ADGRL3: variants seen among roughly 807,000 people sequenced by gnomAD.
The protein encoded by ADGRL3 is adhesion G protein-coupled receptor L3, also known as calcium-independent alpha-latrotoxin receptor 3.
Under a neutral mutation model 153.5 loss-of-function variants are expected in ADGRL3, and 62 were observed. The observed-to-expected ratio is 0.40, with a 90% CI of 0.33 to 0.50. The LOEUF is 0.50. ADGRL3 is among the 20% of genes least tolerant of loss of function. The pLI is 0.47. For missense variants in ADGRL3, 1,641 were observed against 1,859.4 expected, an observed-to-expected ratio of 0.88 and a Z score of 2.16; for synonymous variants, 710 against 672.5, an observed-to-expected ratio of 1.06 and a Z score of -0.86.
At chr4:61,626,424 A>ATT (rs34404633) in intron 5 of ADGRL3, among the ~76,000 whole-genome samples, 10 of 151,708 alleles carry the variant, frequency 6.6e-5, no homozygotes, top group South Asian at 4.1e-4. Flanking sequence ...CTTTAAAGGT[A>ATT]TTTTTTTCTC....
chr4:61,699,312 A>G (rs1170474090), intron 6 of ADGRL3, among the ~76,000 whole-genome samples: 1 of 152,150 alleles, frequency 6.6e-6, no homozygotes, highest in East Asian at 1.9e-4. Flanking sequence ...AAAAGGATGT[A>G]AATTTTTTTA....
chr4:62,046,678 A>G (rs1025015108), intron 25 of ADGRL3, among the ~76,000 whole-genome samples: 1 of 151,964 alleles, frequency 6.6e-6, no homozygotes, highest in Non-Finnish European at 1.5e-5. Flanking sequence ...TATAATTTAA[A>G]GGGTGCCCAG....
intron 6 of ADGRL3, among the ~76,000 whole-genome samples, chr4:61,696,941 T>G (rs2095654418): frequency 6.6e-6 from 1 of 152,088 alleles, no homozygotes; most frequent in Non-Finnish European, 1.5e-5. Context: ...CCTCCTAAAG[T>G]GCTAAGATTA....
At chr4:61,961,396 T>C (rs2098987244) in intron 17 of ADGRL3, among the ~76,000 whole-genome samples, 1 of 152,160 alleles carries the variant, frequency 6.6e-6, no homozygotes, top group Non-Finnish European at 1.5e-5. Context: ...ATGAGTATAA[T>C]GGGAGAATTG....
intron 2 of ADGRL3, among the ~76,000 whole-genome samples, chr4:61,476,070 A>C (rs1009789916): frequency 2.0e-5 from 3 of 152,130 alleles, no homozygotes; most frequent in Admixed American, 6.6e-5. Context: ...CATTGTATTT[A>C]GGAGTCAGAT....
chr4:61,742,302 G>A (rs886133041), intron 8 of ADGRL3, among the ~76,000 whole-genome samples: 38 of 151,908 alleles, frequency 2.5e-4, no homozygotes, highest in African/African-American at 9.2e-4. Context: ...TTTTTGAGAT[G>A]GAGTCTCACT....
At chr4:61,590,979 T>C (rs951442241) in intron 5 of ADGRL3, among the ~76,000 whole-genome samples, 3 of 152,154 alleles carry the variant, frequency 2.0e-5, no homozygotes, top group Non-Finnish European at 2.9e-5. Flanking sequence ...ATTCCGTATA[T>C]CATACGTGTA....
chr4:61,694,481 A>C (rs2095605333), intron 6 of ADGRL3, among the ~76,000 whole-genome samples: 1 of 152,164 alleles, frequency 6.6e-6, no homozygotes, highest in African/African-American at 2.4e-5. Context: ...TTAAGTGTGC[A>C]GTATGTCTAT....
chr4:61,446,227 G>C (rs964264718), intron 2 of ADGRL3, among the ~76,000 whole-genome samples: 1 of 152,122 alleles, frequency 6.6e-6, no homozygotes, highest in Non-Finnish European at 1.5e-5. Flanking sequence ...AAGTGGAAAA[G>C]CAACTAAATG....
chr4:61,787,646 A>G (rs1165727399), intron 8 of ADGRL3, among the ~76,000 whole-genome samples: 2 of 152,132 alleles, frequency 1.3e-5, no homozygotes, highest in Non-Finnish European at 2.9e-5. Flanking sequence ...AGAACTATTT[A>G]TAAAATATAT....
At chr4:61,617,017 A>C (rs559705701) in intron 5 of ADGRL3, among the ~76,000 whole-genome samples, 1 of 152,258 alleles carries the variant, frequency 6.6e-6, no homozygotes, top group African/African-American at 2.4e-5. Context: ...TTTCTGATTT[A>C]TCCTTAAAAT....
chr4:62,033,112 C>T (rs1001623888), intron 23 of ADGRL3, among the ~76,000 whole-genome samples: 2 of 151,718 alleles, frequency 1.3e-5, no homozygotes, highest in Non-Finnish European at 3.0e-5. Context: ...GGGGTTGCCC[C>T]ATGAAGGGAC....
chr4:61,528,511 A>G (rs913096369), intron 4 of ADGRL3, among the ~76,000 whole-genome samples: 2 of 152,080 alleles, frequency 1.3e-5, no homozygotes, highest in Non-Finnish European at 2.9e-5. Context: ...TAAATAAATT[A>G]ATAGGATTTT....
rs113704738 is a variant in ADGRL3 at position 61,519,978 on chromosome 4, C to T, written c.259+2460C>T. 7.2e-4 allele frequency among the ~76,000 whole-genome samples: 110 copies of T among 152,252 alleles called. 1 individual carries two copies. Among genetic ancestry groups the T allele is most frequent in the African/African-American group, 2.5e-3 (105 of 41,546 alleles). On this transcript the variant is annotated intron_variant, in intron 4 of 26. Coordinates refer to ENST00000683033, the MANE Select transcript of ADGRL3 (RefSeq NM_001387552.1). ...GATAGCCAAACAGGCAAGTAGGAAT[C>T]CAATGAAAGCAGCCATAACAACATA... is the stretch of plus-strand genomic sequence containing the variant.
intron 8 of ADGRL3, among the ~76,000 whole-genome samples, chr4:61,800,389 T>C (rs772242726): frequency 6.6e-6 from 1 of 152,144 alleles, no homozygotes; most frequent in Non-Finnish European, 1.5e-5. Context: ...AAGCATTGAG[T>C]GCACTTTGAA....
chr4:61,469,131 C>T (rs1053306787), intron 2 of ADGRL3, among the ~76,000 whole-genome samples: 1 of 151,992 alleles, frequency 6.6e-6, no homozygotes, highest in Non-Finnish European at 1.5e-5. Context: ...CTACTCAGTC[C>T]TCAGATCTTA....
chr4:61,433,373 A>T (rs1227422547), intron 2 of ADGRL3, among the ~76,000 whole-genome samples: 1 of 150,022 alleles, frequency 6.7e-6, no homozygotes, highest in East Asian at 1.9e-4. Flanking sequence ...TTTAAAAAAA[A>T]ATCAGGCCAC....
chr4:61,270,833 G>T (rs2149780085), intron 1 of ADGRL3, among the ~76,000 whole-genome samples: 1 of 151,668 alleles, frequency 6.6e-6, no homozygotes, highest in South Asian at 2.1e-4. Flanking sequence ...ATCATGTTGA[G>T]ACTTCATTTT....
chr4:61,431,413 A>C (rs1032535669), intron 2 of ADGRL3, among the ~76,000 whole-genome samples: 1 of 152,182 alleles, frequency 6.6e-6, no homozygotes, highest in African/African-American at 2.4e-5. Flanking sequence ...TGAACGCTCA[A>C]TAGTCGATGA....
Sources: gnomAD v4.1 joint callset for allele counts (sites outside exome capture counted in the v4.1 genomes callset) on GRCh38, gnomAD v4.1.1 for gene constraint, MANE v1.5 for transcripts, NCBI Gene and HGNC (gene_info 2026-07-23, HGNC 2026-07-21) for gene names.